FILIP1: variants seen among roughly 807,000 people sequenced by gnomAD.
The protein encoded by FILIP1 is filamin A interacting protein 1, also known as filamin-A-interacting protein 1.
A neutral mutation model predicts 102.1 loss-of-function variants in FILIP1; 61 were observed. That is an observed-to-expected ratio of 0.60 (90% CI 0.49 to 0.74). FILIP1 has a LOEUF of 0.74. Ranked by LOEUF, FILIP1 falls within the 30% of genes least tolerant of loss-of-function variation. The pLI is 0.00. For missense variants in FILIP1, 1,314 were observed against 1,441.2 expected, an observed-to-expected ratio of 0.91 and a Z score of 1.43; for synonymous variants, 491 against 526.9, an observed-to-expected ratio of 0.93 and a Z score of 0.93.
chr6:75,293,806 G>A (rs1209895306), exon 7 of FILIP1: 1 of 152,004 alleles, frequency 6.6e-6, no homozygotes, highest in Non-Finnish European at 1.5e-5. Flanking sequence ...GCCATCAGAG[G>A]TACAAACATT....
At chr6:75,376,671 C>T (rs1775763286) in intron 2 of FILIP1, among the ~76,000 whole-genome samples, 1 of 152,164 alleles carries the variant, frequency 6.6e-6, no homozygotes, top group East Asian at 1.9e-4. Flanking sequence ...AAAGCCTTTC[C>T]ATAAACTGAA....
At chr6:75,463,348 T>C (rs1260254353) in intron 1 of FILIP1, among the ~76,000 whole-genome samples, 1 of 152,230 alleles carries the variant, frequency 6.6e-6, no homozygotes, top group Non-Finnish European at 1.5e-5. Flanking sequence ...ATTATCTTGT[T>C]CTATTATAAC....
intron 2 of FILIP1, among the ~76,000 whole-genome samples, chr6:75,366,962 G>C (rs1775360279): frequency 6.6e-6 from 1 of 152,082 alleles, no homozygotes; most frequent in Admixed American, 6.6e-5. Flanking sequence ...CTCTAAACAA[G>C]ATAATGCAAA....
At chr6:75,340,654 T>G (rs1379254268) in intron 4 of FILIP1, among the ~76,000 whole-genome samples, 1 of 152,138 alleles carries the variant, frequency 6.6e-6, no homozygotes, top group Non-Finnish European at 1.5e-5. Flanking sequence ...TGTTTCTGCT[T>G]GTTTTTGGTT....
At chr6:75,475,614 A>G (rs1185286813) in intron 1 of FILIP1, among the ~76,000 whole-genome samples, 1 of 152,194 alleles carries the variant, frequency 6.6e-6, no homozygotes, top group African/African-American at 2.4e-5. Context: ...TTAATTTCAT[A>G]GTGAATTTTG....
intron 4 of FILIP1, among the ~76,000 whole-genome samples, chr6:75,335,821 G>GA (rs927431710): frequency 1.3e-5 from 2 of 151,926 alleles, no homozygotes; most frequent in East Asian, 1.9e-4. Flanking sequence ...AAAAGAATAT[G>GA]AAAAAAAATA....
In FILIP1 at chr6:75,308,736, T is replaced by C; in HGVS notation, c.3597A>G (p.Lys1199=). The C allele has an allele frequency of 6.2e-7, 1 of 1,613,796 alleles. No homozygotes were observed. The part of the protein sequence containing the change: ...ETQSMKIELK[K]SAASSTTSLG... ...GAGAGGTGGTGCTGCTGGCTGCAGA[T>C]TTCTTCAGCTCTATTTTCATAGACT... Residue 1199 remains lysine, a synonymous_variant, in exon 6 of 6, where the codon AAA becomes AAG. Coordinates refer to ENST00000237172, the MANE Select transcript of FILIP1 (RefSeq NM_015687.5).
intron 1 of FILIP1, among the ~76,000 whole-genome samples, chr6:75,470,747 T>C (rs1227111695): frequency 6.6e-6 from 1 of 152,180 alleles, no homozygotes; most frequent in East Asian, 1.9e-4. Context: ...AAAATTGTAG[T>C]TAAGACTTAA....
chr6:75,433,249 C>T (rs550792656), intron 1 of FILIP1, among the ~76,000 whole-genome samples: 5 of 152,296 alleles, frequency 3.3e-5, no homozygotes, highest in African/African-American at 7.2e-5. Context: ...TGAGGAATTG[C>T]CACACTGTCT....
At position 75,308,795 on chromosome 6, in the gene FILIP1, T is replaced by G. The variant is rs756278620; in HGVS notation, c.3538A>C (p.Asn1180His). ...GCTCGAGGCTCGAATTTGGTCAGAT[T>G]TCCTGCTCCTGGGGCTGCCACTACT... ...KPVVAAPGAG[N>H]LTKFEPRAET... is the part of the protein sequence containing the mutation. Residue 1180 changes from asparagine to histidine, a missense_variant, in exon 6 of 6, where the codon AAT (asparagine) becomes CAT (histidine). Asn to His is a moderately conservative substitution (Grantham distance 68). Coordinates refer to ENST00000237172, the MANE Select transcript of FILIP1 (RefSeq NM_015687.5). 6.2e-7 allele frequency: 1 copy of G among 1,614,010 alleles called. No homozygotes were observed. Among genetic ancestry groups the G allele is most frequent in the Admixed American group, 1.7e-5 (1 of 59,994 alleles).
intron 1 of FILIP1, among the ~76,000 whole-genome samples, chr6:75,462,528 T>A (rs1779054334): frequency 6.6e-6 from 1 of 152,096 alleles, no homozygotes; most frequent in African/African-American, 2.4e-5. Flanking sequence ...AAAAAATAAT[T>A]GCAAATAAGG....
chr6:75,363,066 T>C, intron 2 of FILIP1, 149 bp from the exon 3 acceptor site: 2 of 693,708 alleles, frequency 2.9e-6, no homozygotes. Flanking sequence ...ATTTTTTTTT[T>C]TAACCAAAAG....
At chr6:75,292,337 G>A (rs1460305862) in exon 7 of FILIP1, 2 of 152,130 alleles carry the variant, frequency 1.3e-5, no homozygotes, top group African/African-American at 2.4e-5. Flanking sequence ...AACAAAATCT[G>A]TGATGGTAAG....
chr6:75,452,174 ATGTATACATG>A (rs1162737839), intron 1 of FILIP1, among the ~76,000 whole-genome samples: 1 of 151,274 alleles, frequency 6.6e-6, no homozygotes, highest in East Asian at 1.9e-4. Flanking sequence ...TTTGTTACAT[ATGTATACATG>A]TGCCATGTTG....
At chr6:75,295,871 AG>A in exon 7 of FILIP1, 1 of 1,341,268 alleles carries the variant, frequency 7.5e-7, no homozygotes, top group South Asian at 1.9e-5. Context: ...AGGGATTCAG[AG>A]GTCGTACACA....
intron 1 of FILIP1, among the ~76,000 whole-genome samples, chr6:75,440,021 T>C (rs764400012): frequency 6.6e-6 from 1 of 152,246 alleles, no homozygotes; most frequent in Non-Finnish European, 1.5e-5. Context: ...GATGGTTTGC[T>C]TTTCTTGTTA....
chr6:75,374,933 C>T (rs1256295082), intron 2 of FILIP1, among the ~76,000 whole-genome samples: 3 of 150,452 alleles, frequency 2.0e-5, no homozygotes, highest in South Asian at 2.1e-4. Context: ...TTTTGCAGCT[C>T]GAGGGGGAAA....
At chr6:75,357,399 T>C (rs755675270) in intron 3 of FILIP1, 4 of 152,266 alleles carry the variant, frequency 2.6e-5, no homozygotes, top group Non-Finnish European at 5.9e-5. Flanking sequence ...TTTTTACATC[T>C]ATTCTTGTAG....
chr6:75,307,692 A>G (rs773096196), downstream of FILIP1, among the ~76,000 whole-genome samples: 7 of 152,176 alleles, frequency 4.6e-5, no homozygotes, highest in Admixed American at 2.6e-4. Context: ...CAAGAGTAAA[A>G]CTGACAGAAA....
Sources: allele counts gnomAD v4.1 joint callset (sites outside exome capture counted in the v4.1 genomes callset), GRCh38; gene constraint gnomAD v4.1.1; transcripts MANE v1.5; gene names NCBI Gene and HGNC (gene_info 2026-07-23, HGNC 2026-07-21).